FAM227B: variants seen among roughly 807,000 people sequenced by gnomAD.
FAM227B encodes protein FAM227B.
FAM227B carries 88 observed loss-of-function variants against 73.8 expected under a neutral mutation model. The observed-to-expected ratio is 1.19, with a 90% CI of 1.00 to 1.42. The LOEUF is 1.42. FAM227B is among the 40% of genes most tolerant of loss of function. FAM227B has a pLI of 0.00. For synonymous variants in FAM227B, 210 were observed against 190.5 expected (o/e 1.10, Z -0.84); for missense variants, 632 against 590.9 (o/e 1.07, Z -0.72).
At chr15:49,525,470 C>T (rs557811794) in intron 10 of FAM227B, among the ~76,000 whole-genome samples, 6 of 151,726 alleles carry the variant, frequency 4.0e-5, no homozygotes, top group Non-Finnish European at 8.8e-5. Context: ...TTGGATATGT[C>T]TTTATTGGCA....
intron 10 of FAM227B, among the ~76,000 whole-genome samples, chr15:49,511,120 C>A (rs930180594): frequency 6.6e-6 from 1 of 151,238 alleles, no homozygotes. Flanking sequence ...TGAAGTAATT[C>A]TTTGATTATT....
intron 13 of FAM227B, among the ~76,000 whole-genome samples, chr15:49,358,815 T>C (rs1208848746): frequency 6.6e-6 from 1 of 151,992 alleles, no homozygotes; most frequent in Non-Finnish European, 1.5e-5. Flanking sequence ...GCTGGAGACA[T>C]CACACTACCT....
At chr15:49,587,876 A>T in intron 5 of FAM227B, 140 bp downstream of exon 5, 1 of 723,056 alleles carries the variant, frequency 1.4e-6, no homozygotes, top group Non-Finnish European at 1.9e-6. Flanking sequence ...AGCTATCTTT[A>T]AAACATAGAG....
At chr15:49,601,262 T>G (rs1313308937) in intron 3 of FAM227B, among the ~76,000 whole-genome samples, 1 of 151,618 alleles carries the variant, frequency 6.6e-6, no homozygotes, top group East Asian at 2.0e-4. Flanking sequence ...TACACTTTGA[T>G]TCCTTTCTCT....
At chr15:49,431,117 G>A (rs1312128117) in intron 11 of FAM227B, among the ~76,000 whole-genome samples, 2 of 151,724 alleles carry the variant, frequency 1.3e-5, no homozygotes, top group African/African-American at 2.4e-5. Context: ...ATAAAATTAT[G>A]TATACTTAAG....
intron 11 of FAM227B, among the ~76,000 whole-genome samples, chr15:49,481,152 T>C (rs2055906565): frequency 6.6e-6 from 1 of 152,232 alleles, no homozygotes; most frequent in Non-Finnish European, 1.5e-5. Flanking sequence ...TATTTTACAA[T>C]GCTAAGATCT....
At chr15:49,619,980 C>T (rs778509619) in intron 1 of FAM227B, among the ~76,000 whole-genome samples, 20 of 152,174 alleles carry the variant, frequency 1.3e-4, no homozygotes, top group Admixed American at 9.2e-4. Flanking sequence ...CTTACATGCG[C>T]TGATATTTCC....
At chr15:49,496,395 T>G (rs1428489287) in intron 11 of FAM227B, among the ~76,000 whole-genome samples, 1 of 152,226 alleles carries the variant, frequency 6.6e-6, no homozygotes, top group Non-Finnish European at 1.5e-5. Context: ...ATAAAAATAG[T>G]TTTTAAAAAT....
At chr15:49,465,888 T>G (rs1027871083) in intron 11 of FAM227B, among the ~76,000 whole-genome samples, 1 of 152,190 alleles carries the variant, frequency 6.6e-6, no homozygotes, top group African/African-American at 2.4e-5. Context: ...GACACACTAC[T>G]TAATATGGTG....
chr15:49,596,577 G>A (rs1009338457), intron 3 of FAM227B, among the ~76,000 whole-genome samples: 1 of 151,724 alleles, frequency 6.6e-6, no homozygotes, highest in African/African-American at 2.4e-5. Flanking sequence ...AAAAAACCAT[G>A]GTATTCAAGT....
intron 11 of FAM227B, among the ~76,000 whole-genome samples, chr15:49,371,834 A>T (rs1200948632): frequency 6.9e-6 from 1 of 145,500 alleles, no homozygotes; most frequent in Non-Finnish European, 1.5e-5. Flanking sequence ...TTCACTTATA[A>T]ATAAATGAAA....
intron 11 of FAM227B, among the ~76,000 whole-genome samples, chr15:49,456,148 GA>G (rs1168873110): frequency 6.6e-6 from 1 of 151,978 alleles, no homozygotes; most frequent in African/African-American, 2.4e-5. Flanking sequence ...ATTTGATTGA[GA>G]TTTTTTTCAG....
intron 11 of FAM227B, among the ~76,000 whole-genome samples, chr15:49,466,541 C>T (rs2054282640): frequency 6.6e-6 from 1 of 151,908 alleles, no homozygotes; most frequent in Non-Finnish European, 1.5e-5. Flanking sequence ...ATAGAGTATA[C>T]CACTGAAACT....
rs2071089661 is a variant in FAM227B at position 49,541,713 on chromosome 15, C to T, written c.841G>A (p.Asp281Asn). The change falls in exon 10 of 16, where the codon GAT becomes AAT. Residue 281 changes from aspartate to asparagine, a missense_variant. Physicochemically the swap from Asp to Asn is conservative, Grantham distance 23. Coordinates refer to ENST00000299338, the MANE Select transcript of FAM227B (RefSeq NM_152647.3). Reference sequence around the variant, plus strand: ...CAAAGAAAAATGTTATTCCCTAGATCTTCTTTAAATTCATCATTAAAGAGG... The same window carrying T: ...CAAAGAAAAATGTTATTCCCTAGATTTTCTTTAAATTCATCATTAAAGAGG... ...SYLFNDEFKE[D>N]LGNNIFLWCS... 6.6e-7 allele frequency: 1 copy of T among 1,523,952 alleles called. No individual in the cohort carries two copies. Among genetic ancestry groups the T allele is most frequent in the South Asian group, 1.4e-5 (1 of 73,016 alleles). The allele number at this position is 1,523,952 out of a possible 1,614,324, so 94.4% of individuals were successfully genotyped here. A position where few individuals can be genotyped will look rare whatever the true frequency, so the allele number is the denominator to read the frequency against.
chr15:49,530,056 A>T (rs148222816), intron 10 of FAM227B, among the ~76,000 whole-genome samples: 2,524 of 151,854 alleles, frequency 0.017, 33 homozygotes, highest in Middle Eastern at 0.037. Flanking sequence ...TTTTGTTCAA[A>T]TTAGTTTTAC....
At position 49,564,746 on chromosome 15, in the gene FAM227B, C is replaced by T. The variant is rs574793143; in HGVS notation, c.747+3499G>A. 1.2e-4 allele frequency among the ~76,000 whole-genome samples: 19 copies of T among 152,074 alleles called. 1 individual carries two copies. The Middle Eastern group carries it at 0.01, about 82-fold the overall frequency. ...AGCTAATTAACACAGAAACAGAAAA[C>T]CAAATACCACATGTTCTCACTTATA... On this transcript the variant is annotated intron_variant, in intron 9 of 15. Coordinates refer to ENST00000299338, the MANE Select transcript of FAM227B (RefSeq NM_152647.3).
At chr15:49,517,465 A>C (rs2059453289) in intron 10 of FAM227B, among the ~76,000 whole-genome samples, 1 of 152,192 alleles carries the variant, frequency 6.6e-6, no homozygotes, top group South Asian at 2.1e-4. Context: ...AATAGTCACA[A>C]ATAAAAGATA....
chr15:49,408,010 A>G (rs1295549875), intron 11 of FAM227B, among the ~76,000 whole-genome samples: 1 of 152,154 alleles, frequency 6.6e-6, no homozygotes, highest in Non-Finnish European at 1.5e-5. Context: ...TCTACATACC[A>G]GTAAATAGTT....
chr15:49,604,510 T>C (rs2153315741), intron 3 of FAM227B, among the ~76,000 whole-genome samples: 1 of 152,348 alleles, frequency 6.6e-6, no homozygotes, highest in South Asian at 2.1e-4. Context: ...TTCATTATAA[T>C]GTATCTTGGG....
Sources: gnomAD v4.1 joint callset for allele counts (sites outside exome capture counted in the v4.1 genomes callset) on GRCh38, gnomAD v4.1.1 for gene constraint, MANE v1.5 for transcripts, NCBI Gene and HGNC (gene_info 2026-07-23, HGNC 2026-07-21) for gene names.